AFF2: variants seen among roughly 807,000 people sequenced by gnomAD.
The protein encoded by AFF2 is ALF transcription elongation factor 2, also known as AF4/FMR2 family member 2.
AFF2 carries 14 observed loss-of-function variants against 76.9 expected under a neutral mutation model. That is an observed-to-expected ratio of 0.18 (90% CI 0.12 to 0.28). AFF2 has a LOEUF of 0.28. AFF2 is among the 10% of genes least tolerant of loss of function. The probability of loss-of-function intolerance (pLI) is 1.00; values close to 1 mark genes in which losing one functional copy is unlikely to be tolerated. For missense variants in AFF2, 868 were observed against 1,001.1 expected (o/e 0.87, Z 1.79); for synonymous variants, 398 against 366.7 (o/e 1.09, Z -0.98).
chrX:148,719,224 A>G lies in AFF2; in HGVS notation c.1041+56456A>G, dbSNP rs241084. 289,749 of 1,143,951 alleles carry G rather than the reference A, an allele frequency of 0.25. 29,038 individuals are homozygous for G. Among genetic ancestry groups the G allele is most frequent in the African/African-American group, 0.59 (32,252 of 55,005 alleles). The allele number at this position is 1,143,951 out of a possible 1,213,427, so 94.3% of individuals were successfully genotyped here. A position where few individuals can be genotyped will look rare whatever the true frequency, so the allele number is the denominator to read the frequency against. ...CACCAAGCATTTCCGTCCTTCTTCA[A>G]GATGAAGGTAGGCAATATGAGTTGG... On this transcript the variant is annotated intron_variant, in intron 3 of 20. Coordinates refer to ENST00000370460, the MANE Select transcript of AFF2 (RefSeq NM_002025.4).
intron 1 of AFF2, among the ~76,000 whole-genome samples, chrX:148,642,014 C>T (rs1672303724): frequency 8.9e-6 from 1 of 112,426 alleles, no homozygotes; most frequent in Non-Finnish European, 1.9e-5. Flanking sequence ...TAACTCACAA[C>T]AGGGTTACCC....
At chrX:148,698,436 A>G (rs1365337571) in intron 3 of AFF2, among the ~76,000 whole-genome samples, 3 of 112,742 alleles carry the variant, frequency 2.7e-5, no homozygotes, top group Non-Finnish European at 5.6e-5. Context: ...CAAATTTAAT[A>G]CCAAGGTGCC....
chrX:148,724,361 A>T (rs1177325436), intron 3 of AFF2, among the ~76,000 whole-genome samples: 1 of 111,294 alleles, frequency 9.0e-6, no homozygotes, highest in Non-Finnish European at 1.9e-5. Flanking sequence ...CCTTTGAGAG[A>T]GTAGGCTGCA....
chrX:148,500,669 C>CCGCCGCCGCCGCCGT lies in AFF2; in HGVS notation c.-415_-414insTCGCCGCCGCCGCCG, dbSNP rs2052331247. ...GCCGCCGCCGCCGCCGCCGCCGCCG[C>CCGCCGCCGCCGCCGT]CGCCGCCGCCGCCGCTGCCGCCCCG... On this transcript the variant is annotated 5_prime_UTR_variant, in exon 1 of 21. Coordinates refer to ENST00000370460, the MANE Select transcript of AFF2 (RefSeq NM_002025.4). The CCGCCGCCGCCGCCGT allele has an allele frequency of 1.0e-5, 1 of 96,999 alleles. No homozygotes were observed. The highest frequency in any genetic ancestry group is 2.1e-5 in the Non-Finnish European group (1 of 47,471). 8.0% of individuals were successfully genotyped at this position (96,999 alleles called of 1,213,427 possible). A position where few individuals can be genotyped will look rare whatever the true frequency, so the allele number is the denominator to read the frequency against.
At chrX:148,592,957 A>G (rs2053537547) in intron 1 of AFF2, among the ~76,000 whole-genome samples, 1 of 111,519 alleles carries the variant, frequency 9.0e-6, no homozygotes, top group Non-Finnish European at 1.9e-5. Context: ...CTCCCTTTGT[A>G]TCACCTTTTA....
chrX:148,968,103 G>A (rs2072203600), intron 15 of AFF2, among the ~76,000 whole-genome samples: 1 of 111,125 alleles, frequency 9.0e-6, no homozygotes, highest in African/African-American at 3.3e-5. Context: ...ATTGGCTTTG[G>A]GAAAACTAGG....
At chrX:148,660,395 C>A (rs1054764555) in intron 2 of AFF2, among the ~76,000 whole-genome samples, 4 of 111,187 alleles carry the variant, frequency 3.6e-5, no homozygotes, top group Admixed American at 9.6e-5. Flanking sequence ...GTTTTCTTTC[C>A]CCAGACGACT....
intron 20 of AFF2, among the ~76,000 whole-genome samples, chrX:148,989,824 T>A: frequency 8.9e-6 from 1 of 112,365 alleles, no homozygotes; most frequent in East Asian, 2.8e-4. Context: ...AAGGTTCTGG[T>A]GCTGAAATGA....
At chrX:148,829,581 G>A (rs1036881878) in intron 4 of AFF2, among the ~76,000 whole-genome samples, 3 of 111,797 alleles carry the variant, frequency 2.7e-5, no homozygotes, top group Non-Finnish European at 5.6e-5. Flanking sequence ...TTAGTCAGCC[G>A]TGTTTATATG....
intron 3 of AFF2, among the ~76,000 whole-genome samples, chrX:148,713,283 T>C (rs1180406887): frequency 9.0e-6 from 1 of 111,493 alleles, no homozygotes; most frequent in Non-Finnish European, 1.9e-5. Context: ...GATTTTACTC[T>C]AAGTGAGATG....
At chrX:148,921,120 T>A (rs1474981729) in intron 9 of AFF2, among the ~76,000 whole-genome samples, 1 of 111,609 alleles carries the variant, frequency 9.0e-6, no homozygotes, top group African/African-American at 3.3e-5. Context: ...AGATTTATGG[T>A]TCAACTAATT....
intron 3 of AFF2, among the ~76,000 whole-genome samples, chrX:148,775,450 C>A (rs905050815): frequency 5.5e-4 from 61 of 111,854 alleles, no homozygotes; most frequent in African/African-American, 1.9e-3. Flanking sequence ...GCCCCATTTG[C>A]CAGTGAAGCA....
chrX:148,965,426 G>A (rs1217479832), intron 13 of AFF2, among the ~76,000 whole-genome samples: 2 of 111,795 alleles, frequency 1.8e-5, no homozygotes, highest in African/African-American at 6.5e-5. Context: ...AATATATAAA[G>A]CTGATTAAAG....
chrX:148,904,315 G>T, intron 9 of AFF2, 57 bp downstream of exon 9: 1 of 698,251 alleles, frequency 1.4e-6, no homozygotes, highest in East Asian at 3.3e-5. Flanking sequence ...CGATGCATGT[G>T]AAAAAATAAG....
chrX:148,983,427 G>T (rs1442019056), intron 19 of AFF2, among the ~76,000 whole-genome samples: 14 of 112,099 alleles, frequency 1.2e-4, no homozygotes, highest in African/African-American at 3.6e-4. Context: ...TCCCTGCAGA[G>T]TTATGGTGAG....
At chrX:148,832,551 C>T (rs1362533984) in intron 4 of AFF2, among the ~76,000 whole-genome samples, 1 of 112,221 alleles carries the variant, frequency 8.9e-6, no homozygotes, top group Admixed American at 9.5e-5. Context: ...CATGCAGGCT[C>T]ATACTGACAA....
In AFF2 at chrX:148,698,022, CT is replaced by C. The variant is rs1176034493; in HGVS notation, c.1041+35255del. ...CCAGATCTCCTCAGAAGTGCAAATG[CT>C]GAATGTATTGCAACCATGTATAATT... On this transcript the variant is annotated intron_variant, in intron 3 of 20. Transcript: ENST00000370460. Among the ~76,000 whole-genome samples the C allele has an allele frequency of 5.3e-5, 6 of 112,253 alleles. No individual in the cohort carries two copies. The Admixed American group carries it at 5.7e-4, about 11-fold the overall frequency.
At chrX:148,950,423 C>T (rs2071951875) in intron 9 of AFF2, among the ~76,000 whole-genome samples, 1 of 112,047 alleles carries the variant, frequency 8.9e-6, no homozygotes, top group African/African-American at 3.2e-5. Context: ...CAAACGCTGG[C>T]TCTCCATTTC....
chrX:148,991,403 G>A lies in AFF2; in HGVS notation c.*71G>A. On this transcript the variant is annotated 3_prime_UTR_variant, in exon 21 of 21. Coordinates refer to ENST00000370460, the MANE Select transcript of AFF2 (RefSeq NM_002025.4). ...TACCAGCGCACTGATGGTCACTGGT[G>A]GAACTCCACTCACTGGGGAACGTTC... is the stretch of plus-strand genomic sequence containing the variant. 1.9e-6 allele frequency: 2 copies of A among 1,040,687 alleles called. No individual in the cohort carries two copies. Among genetic ancestry groups the A allele is most frequent in the African/African-American group, 1.9e-5 (1 of 53,339 alleles). The allele number at this position is 1,040,687 out of a possible 1,213,427, so 85.8% of individuals were successfully genotyped here.
Sources: allele counts gnomAD v4.1 joint callset (sites outside exome capture counted in the v4.1 genomes callset), GRCh38; gene constraint gnomAD v4.1.1; transcripts MANE v1.5; gene names NCBI Gene and HGNC (gene_info 2026-07-23, HGNC 2026-07-21).